Variants in CPNE3 observed in about 807,000 individuals in gnomAD.
CPNE3 encodes copine 3.
In CPNE3, 68 loss-of-function variants were observed where a neutral mutation model predicts 63.9. The ratio of observed to expected loss-of-function variants is 1.06; its 90% confidence interval spans 0.87 to 1.30. The LOEUF is 1.30. CPNE3 is among the 50% of genes most tolerant of loss of function. The pLI, the probability that CPNE3 is intolerant of heterozygous loss-of-function variation, is 0.00. For missense variants in CPNE3, 665 were observed against 578.1 expected, an observed-to-expected ratio of 1.15 and a Z score of -1.54; for synonymous variants, 219 against 197.5, an observed-to-expected ratio of 1.11 and a Z score of -0.91.
At chr8:86,538,537 A>T (rs1396322798) in intron 7 of CPNE3, among the ~76,000 whole-genome samples, 1 of 152,080 alleles carries the variant, frequency 6.6e-6, no homozygotes, top group Non-Finnish European at 1.5e-5. Context: ...TTTTGTGTGT[A>T]TTTTGTTTTG....
chr8:86,538,488 A>G (rs565620348), intron 7 of CPNE3, among the ~76,000 whole-genome samples: 1 of 152,352 alleles, frequency 6.6e-6, no homozygotes, highest in East Asian at 1.9e-4. Flanking sequence ...ATTATTTGGT[A>G]TACCATTAAT....
intron 6 of CPNE3, among the ~76,000 whole-genome samples, chr8:86,533,997 A>G (rs2131454310): frequency 6.6e-6 from 1 of 152,126 alleles, no homozygotes. Context: ...CAGGTGATGC[A>G]CACCTGTAGT....
intron 2 of CPNE3, among the ~76,000 whole-genome samples, chr8:86,517,340 C>T (rs1586823666): frequency 6.6e-6 from 1 of 152,118 alleles, no homozygotes; most frequent in African/African-American, 2.4e-5. Context: ...TGAAATGTCT[C>T]TTGCAAATGG....
chr8:86,557,326 G>A (rs1182900796), intron 16 of CPNE3, among the ~76,000 whole-genome samples: 5 of 152,088 alleles, frequency 3.3e-5, no homozygotes. Context: ...AGTAGAGACA[G>A]GGTTTTACCA....
chr8:86,537,732 G>A, intron 7 of CPNE3, 86 bp downstream of exon 7: 2 of 816,178 alleles, frequency 2.5e-6, no homozygotes, highest in Non-Finnish European at 4.2e-6. Flanking sequence ...ATTTATAAAA[G>A]TATCAATCTG....
intron 6 of CPNE3, among the ~76,000 whole-genome samples, chr8:86,535,683 A>G (rs1820787849): frequency 1.3e-5 from 2 of 152,162 alleles, no homozygotes; most frequent in South Asian, 4.1e-4. Context: ...TAAAAAAAAT[A>G]TAGAATTACA....
rs1270694477 is a variant in CPNE3 at position 86,559,528 on chromosome 8, A to G, written c.*1118A>G. ...ACAATTTAATAATGTGATATTTCCT[A>G]TGTCTACAGCATACCTTATTAGGTA... On this transcript the variant is annotated 3_prime_UTR_variant, in exon 17 of 17. Transcript: ENST00000517490. The G allele has an allele frequency of 6.6e-6, 1 of 152,080 alleles. No homozygotes were observed. The highest frequency in any genetic ancestry group is 1.5e-5 in the Non-Finnish European group (1 of 68,026). 9.4% of individuals were successfully genotyped at this position (152,080 alleles called of 1,614,324 possible).
In CPNE3 at chr8:86,528,521, T is replaced by G; in HGVS notation, c.-10-15T>G. Reference sequence around the variant, plus strand: ...CACTGTTTTACTTGCTTTCTCTTTTTATTGGTTTTCTCAGAACTCAAGACA... The same window carrying G: ...CACTGTTTTACTTGCTTTCTCTTTTGATTGGTTTTCTCAGAACTCAAGACA... On this transcript the variant is annotated splice_polypyrimidine_tract_variant and intron_variant, in intron 2 of 16. Transcript: ENST00000517490. The G allele has an allele frequency of 3.1e-6, 5 of 1,610,862 alleles. No individual in the cohort carries two copies. Among genetic ancestry groups the G allele is most frequent in the Non-Finnish European group, 4.2e-6 (5 of 1,179,270 alleles).
In CPNE3 at chr8:86,560,143, A is replaced by G. The variant is rs1464466321; in HGVS notation, c.*1733A>G. ...CTGCTACTCCATAGTATGGCTCAAT[A>G]GATGACACATCATTTTGACATTATC... On this transcript the variant is annotated 3_prime_UTR_variant, in exon 17 of 17. Coordinates refer to ENST00000517490, the MANE Select transcript of CPNE3 (RefSeq NM_003909.5). 6.6e-6 allele frequency: 1 copy of G among 152,234 alleles called. No homozygotes were observed. Among genetic ancestry groups the G allele is most frequent in the Admixed American group, 6.5e-5 (1 of 15,284 alleles). The allele number at this position is 152,234 out of a possible 1,614,324, so 9.4% of individuals were successfully genotyped here.
At chr8:86,542,424 G>A (rs1182514855) in intron 8 of CPNE3, among the ~76,000 whole-genome samples, 1 of 152,060 alleles carries the variant, frequency 6.6e-6, no homozygotes, top group African/African-American at 2.4e-5. Context: ...AAATGGGAGT[G>A]CCTTACTGAA....
At chr8:86,547,332 A>T (rs569110013) in intron 10 of CPNE3, 2 of 179,282 alleles carry the variant, frequency 1.1e-5, no homozygotes, top group East Asian at 3.5e-4. Context: ...AAATGTTATG[A>T]GTAAAGGGGA....
intron 2 of CPNE3, among the ~76,000 whole-genome samples, chr8:86,517,838 A>T (rs570450628): frequency 6.6e-6 from 1 of 152,374 alleles, no homozygotes; most frequent in East Asian, 1.9e-4. Flanking sequence ...AGTGCCTGAC[A>T]CACAGTAGGC....
intron 6 of CPNE3, among the ~76,000 whole-genome samples, chr8:86,536,933 G>C (rs143165266): frequency 2.1e-4 from 32 of 152,270 alleles, no homozygotes; most frequent in African/African-American, 7.2e-4. Flanking sequence ...GAGTTCTGTG[G>C]TGAATTACAG....
At chr8:86,537,677 A>G in intron 7 of CPNE3, 31 bp downstream of exon 7, 2 of 1,232,130 alleles carry the variant, frequency 1.6e-6, no homozygotes, top group Non-Finnish European at 2.4e-6. Flanking sequence ...AGCAGAGTGG[A>G]GGTGTTCTTT....
chr8:86,552,771 A>G (rs1821209417), intron 14 of CPNE3, among the ~76,000 whole-genome samples: 1 of 151,602 alleles, frequency 6.6e-6, no homozygotes, highest in South Asian at 2.1e-4. Flanking sequence ...GGGTTTTGGC[A>G]TAATTCAGTT....
At chr8:86,522,911 C>T (rs532245786) in intron 2 of CPNE3, among the ~76,000 whole-genome samples, 11 of 152,270 alleles carry the variant, frequency 7.2e-5, no homozygotes, top group Admixed American at 3.3e-4. Context: ...CATGAGCCTG[C>T]GCTCCCCTCA....
At chr8:86,519,966 C>A (rs997498636) in intron 2 of CPNE3, among the ~76,000 whole-genome samples, 3 of 152,186 alleles carry the variant, frequency 2.0e-5, no homozygotes, top group Non-Finnish European at 2.9e-5. Flanking sequence ...CCCGCCTCAG[C>A]CTCCCAAAGT....
At chr8:86,553,089 G>GGT (rs1212383195) in intron 14 of CPNE3, among the ~76,000 whole-genome samples, 1 of 150,330 alleles carries the variant, frequency 6.7e-6, no homozygotes, top group Non-Finnish European at 1.5e-5. Flanking sequence ...GTCTAGAACT[G>GGT]CTGACCTCTT....
intron 12 of CPNE3, among the ~76,000 whole-genome samples, chr8:86,550,641 A>G: frequency 6.6e-6 from 1 of 152,192 alleles, no homozygotes; most frequent in East Asian, 1.9e-4. Flanking sequence ...AGCTACCAAT[A>G]ACCTCTGATC....
Sources: gnomAD v4.1 joint callset for allele counts (sites outside exome capture counted in the v4.1 genomes callset) on GRCh38, gnomAD v4.1.1 for gene constraint, MANE v1.5 for transcripts, NCBI Gene and HGNC (gene_info 2026-07-23, HGNC 2026-07-21) for gene names.